OPA1: variants seen among roughly 807,000 people sequenced by gnomAD.
OPA1 encodes the protein OPA1 mitochondrial dynamin like GTPase.
In OPA1, 59 loss-of-function variants were observed where a neutral mutation model predicts 152.9. That is an observed-to-expected ratio of 0.39 (90% confidence interval 0.31 to 0.48). OPA1 has a LOEUF of 0.48. Among genes scored for constraint, OPA1 ranks in the 20% least tolerant of loss-of-function variants. The probability of loss-of-function intolerance (pLI) is 0.96; values close to 1 mark genes in which losing one functional copy is unlikely to be tolerated. For missense variants in OPA1, 1,008 were observed against 1,216.8 expected, an observed-to-expected ratio of 0.83 and a Z score of 2.55; for synonymous variants, 400 against 389.9, an observed-to-expected ratio of 1.03 and a Z score of -0.31.
intron 27 of OPA1, among the ~76,000 whole-genome samples, chr3:193,665,719 A>G (rs767848298): frequency 6.6e-6 from 1 of 152,174 alleles, no homozygotes; most frequent in Admixed American, 6.5e-5. Flanking sequence ...ACATAAATTT[A>G]TATTTAAATG....
chr3:193,636,533 T>C (rs927810479), intron 9 of OPA1, among the ~76,000 whole-genome samples: 5 of 151,746 alleles, frequency 3.3e-5, no homozygotes, highest in Admixed American at 1.3e-4. Flanking sequence ...ATGGTACCCC[T>C]TTTTTTCAGG....
chr3:193,617,913 G>A, intron 5 of OPA1, 76 bp downstream of exon 5: 1 of 1,032,918 alleles, frequency 9.7e-7, no homozygotes. Flanking sequence ...AAATAAAATT[G>A]CAGACCAAAT....
intron 11 of OPA1, among the ~76,000 whole-genome samples, chr3:193,639,641 C>G (rs1282630991): frequency 6.6e-6 from 1 of 152,136 alleles, no homozygotes; most frequent in Non-Finnish European, 1.5e-5. Flanking sequence ...ATCAATAAGG[C>G]CTTATAGGCC....
chr3:193,607,047 T>C (rs1184354570), intron 1 of OPA1, among the ~76,000 whole-genome samples: 2 of 152,256 alleles, frequency 1.3e-5, no homozygotes. Flanking sequence ...ATGTGTCTTT[T>C]GGCTGCATAA....
At chr3:193,603,100 A>G (rs1292603971) in intron 1 of OPA1, among the ~76,000 whole-genome samples, 1 of 152,234 alleles carries the variant, frequency 6.6e-6, no homozygotes, top group Non-Finnish European at 1.5e-5. Context: ...TAGTAATGTC[A>G]GAATAGTCAC....
intron 29 of OPA1, chr3:193,689,208 G>A (rs937247616): frequency 6.6e-6 from 1 of 152,168 alleles, no homozygotes; most frequent in African/African-American, 2.4e-5. Flanking sequence ...ACTTTATGAA[G>A]TACATTGTGA....
chr3:193,608,813 T>C (rs575013441), intron 1 of OPA1, among the ~76,000 whole-genome samples: 85 of 152,282 alleles, frequency 5.6e-4, no homozygotes, highest in African/African-American at 2.0e-3. Flanking sequence ...TGTTAAAGTC[T>C]CCCATTATTG....
chr3:193,609,238 CT>C (rs1268106129), intron 1 of OPA1, among the ~76,000 whole-genome samples: 1 of 152,108 alleles, frequency 6.6e-6, no homozygotes, highest in Non-Finnish European at 1.5e-5. Flanking sequence ...GAATTTGATC[CT>C]GTCATTCTCT....
chr3:193,688,987 A>G (rs1380858395), intron 29 of OPA1: 4 of 152,188 alleles, frequency 2.6e-5, no homozygotes, highest in African/African-American at 7.2e-5. Flanking sequence ...GCGTCAGACA[A>G]ACAAACATCG....
intron 1 of OPA1, among the ~76,000 whole-genome samples, chr3:193,604,188 A>G (rs1184457621): frequency 6.6e-6 from 1 of 152,202 alleles, no homozygotes; most frequent in Non-Finnish European, 1.5e-5. Flanking sequence ...AGGCTATAGT[A>G]TGCAGTGGTC....
chr3:193,677,201 C>T (rs1376698830), intron 29 of OPA1, among the ~76,000 whole-genome samples: 4 of 150,814 alleles, frequency 2.7e-5, no homozygotes, highest in Admixed American at 2.6e-4. Context: ...TGCCATTTAT[C>T]ATTTTAATGT....
intron 1 of OPA1, among the ~76,000 whole-genome samples, chr3:193,611,491 G>A (rs545075693): frequency 1.2e-3 from 181 of 151,804 alleles, no homozygotes; most frequent in African/African-American, 4.2e-3. Flanking sequence ...CAGCTACTCG[G>A]GAGGCTGAGG....
intron 29 of OPA1, among the ~76,000 whole-genome samples, chr3:193,677,980 T>C (rs995531986): frequency 6.6e-6 from 1 of 152,214 alleles, no homozygotes; most frequent in Non-Finnish European, 1.5e-5. Flanking sequence ...CATGGATCTA[T>C]CATCTGAAAA....
intron 6 of OPA1, among the ~76,000 whole-genome samples, chr3:193,621,208 A>G (rs898303557): frequency 1.3e-5 from 2 of 152,258 alleles, no homozygotes; most frequent in African/African-American, 4.8e-5. Flanking sequence ...ACATTTCTAC[A>G]ACTAGAACTA....
chr3:193,595,812 C>A (rs970791943), intron 1 of OPA1, among the ~76,000 whole-genome samples: 1 of 151,756 alleles, frequency 6.6e-6, no homozygotes, highest in Non-Finnish European at 1.5e-5. Context: ...TTTTCCTGTC[C>A]TTTTTCTTTC....
chr3:193,678,434 T>C (rs2109375802), intron 29 of OPA1, among the ~76,000 whole-genome samples: 1 of 152,244 alleles, frequency 6.6e-6, no homozygotes, highest in Non-Finnish European at 1.5e-5. Flanking sequence ...GATTGCACTG[T>C]AGTTTAAGAC....
intron 7 of OPA1, chr3:193,627,240 T>C (rs1731301863): frequency 6.6e-6 from 1 of 152,196 alleles, no homozygotes; most frequent in Non-Finnish European, 1.5e-5. Context: ...ATAGTTTCAT[T>C]TATGTTTTCA....
At chr3:193,606,392 A>C (rs1266190686) in intron 1 of OPA1, among the ~76,000 whole-genome samples, 2 of 151,526 alleles carry the variant, frequency 1.3e-5, no homozygotes, top group Non-Finnish European at 2.9e-5. Context: ...CATTAGGTAT[A>C]TCTCCTAATG....
intron 11 of OPA1, among the ~76,000 whole-genome samples, chr3:193,639,137 T>TG (rs1203847233): frequency 3.9e-5 from 6 of 152,124 alleles, no homozygotes; most frequent in African/African-American, 7.2e-5. Flanking sequence ...GAAGAAGGTA[T>TG]GGGGCTGCAG....
Sources: gnomAD v4.1 joint callset for allele counts (sites outside exome capture counted in the v4.1 genomes callset) on GRCh38, gnomAD v4.1.1 for gene constraint, MANE v1.5 for transcripts, NCBI Gene and HGNC (gene_info 2026-07-23, HGNC 2026-07-21) for gene names.